The following PCDH15 variants were observed in gnomAD, a reference collection of about 807,000 sequenced individuals.
PCDH15 encodes protocadherin-15.
PCDH15 carries 129 observed loss-of-function variants against 178.5 expected under a neutral mutation model. The observed-to-expected ratio is 0.72, with a 90% confidence interval of 0.63 to 0.84. The LOEUF is 0.84. Among genes scored for constraint, PCDH15 ranks in the 40% least tolerant of loss-of-function variants. PCDH15 has a pLI of 0.00. For synonymous variants in PCDH15, 800 were observed against 732.0 expected (o/e 1.09, Z -1.50); for missense variants, 2,230 against 2,099.9 (o/e 1.06, Z -1.21).
chr10:54,431,034 A>T (rs1268286741), intron 3 of PCDH15, among the ~76,000 whole-genome samples: 1 of 152,138 alleles, frequency 6.6e-6, no homozygotes, highest in Non-Finnish European at 1.5e-5. Context: ...GTTCCTAGAC[A>T]CATACAAGCT....
chr10:54,865,536 A>C (rs1953923853), intron 3 of PCDH15, among the ~76,000 whole-genome samples: 1 of 151,704 alleles, frequency 6.6e-6, no homozygotes, highest in Admixed American at 6.6e-5. Flanking sequence ...TTCTTAATAA[A>C]CTCCCTCACT....
intron 22 of PCDH15, 107 bp from the exon 23 acceptor site, chr10:53,959,951 G>C (rs1474551988): frequency 2.3e-6 from 2 of 855,296 alleles, no homozygotes; most frequent in East Asian, 2.6e-5. Flanking sequence ...GTTCCAGAAG[G>C]GGAAGCAATG....
intron 25 of PCDH15, among the ~76,000 whole-genome samples, chr10:53,935,821 C>G (rs1027206962): frequency 6.6e-6 from 1 of 151,446 alleles, no homozygotes; most frequent in Non-Finnish European, 1.5e-5. Context: ...GCTATGGAGA[C>G]GTTTTTCTTT....
chr10:54,576,523 T>C (rs1930157), intron 2 of PCDH15, among the ~76,000 whole-genome samples: 142,508 of 152,258 alleles, frequency 0.94, 66,973 homozygotes, highest in Middle Eastern at 0.98. Flanking sequence ...TTCTATCCGG[T>C]ATTTGTTTTT....
Position 55,538,544 on chromosome 10 carries a change from T to C in PCDH15, c.-156+89081A>G, listed in dbSNP as rs1450033199. ...TTCCTCCCTTCCTTCCTCCTTTCCT[T>C]CCTTCCTTCCTCCTTTCCTTCCTTC... On this transcript the variant is annotated intron_variant, in intron 2 of 5. Coordinates refer to the PCDH15 transcript ENST00000613346. Among the ~76,000 whole-genome samples, 59 of 136,696 alleles carry C rather than the reference T, an allele frequency of 4.3e-4. No individual in the cohort carries two copies. In the East Asian group the frequency reaches 0.011, roughly 24 times the overall value. 89.7% of individuals were successfully genotyped at this position (136,696 alleles called of 152,430 possible). A position where few individuals can be genotyped will look rare whatever the true frequency, so the allele number is the denominator to read the frequency against.
intron 10 of PCDH15, among the ~76,000 whole-genome samples, chr10:54,198,854 C>T (rs186228672): frequency 9.9e-5 from 15 of 152,106 alleles, no homozygotes; most frequent in African/African-American, 3.6e-4. Flanking sequence ...ACAACTTTTC[C>T]TCTTTCCCCG....
intron 2 of PCDH15, among the ~76,000 whole-genome samples, chr10:55,061,710 C>T (rs148590256): frequency 6.6e-6 from 1 of 152,274 alleles, no homozygotes; most frequent in East Asian, 1.9e-4. Context: ...GAATATATTA[C>T]TCAGGGCACT....
chr10:55,275,535 A>C (rs1842568790), intron 1 of PCDH15, among the ~76,000 whole-genome samples: 1 of 142,548 alleles, frequency 7.0e-6, no homozygotes, highest in African/African-American at 2.6e-5. Flanking sequence ...ATCCTTTTGC[A>C]CTGATCTACA....
intron 20 of PCDH15, among the ~76,000 whole-genome samples, chr10:54,004,118 G>A (rs2092292248): frequency 7.7e-6 from 1 of 130,180 alleles, no homozygotes; most frequent in African/African-American, 3.0e-5. Flanking sequence ...CAAAAACTGG[G>A]TGTAGATGGA....
intron 1 of PCDH15, among the ~76,000 whole-genome samples, chr10:54,774,508 G>GAC (rs1949481264): frequency 6.6e-6 from 1 of 151,856 alleles, no homozygotes; most frequent in African/African-American, 2.4e-5. Context: ...AAAAAGAATA[G>GAC]ACACACACAC....
intron 21 of PCDH15, among the ~76,000 whole-genome samples, chr10:53,965,165 C>A (rs1277124241): frequency 1.3e-5 from 2 of 151,682 alleles, no homozygotes; most frequent in Non-Finnish European, 2.9e-5. Flanking sequence ...TCAAGTGATT[C>A]TCCTGCCTCA....
At position 55,225,600 on chromosome 10, in the gene PCDH15, T is replaced by C. The variant is rs192353284; in HGVS notation, c.-155-58949A>G. On this transcript the variant is annotated intron_variant, in intron 1 of 5. Coordinates refer to the PCDH15 transcript ENST00000458638. ...AGAGGTTCCAGATGCCTTTAAACGA[T>C]TGTGGGATGTGTGTGTGTGTATGTG... is the stretch of plus-strand genomic sequence containing the variant. Among the ~76,000 whole-genome samples, 270 of 151,072 alleles carry C rather than the reference T, an allele frequency of 1.8e-3. 2 individuals are homozygous for C. Among genetic ancestry groups the C allele is most frequent in the Middle Eastern group, 0.014 (4 of 294 alleles).
At chr10:55,119,981 T>G (rs1837724908) in intron 2 of PCDH15, among the ~76,000 whole-genome samples, 1 of 149,578 alleles carries the variant, frequency 6.7e-6, no homozygotes, top group Non-Finnish European at 1.5e-5. Context: ...TCTTAAATGT[T>G]TTTTTTTTTA....
chr10:54,213,910 G>T, intron 10 of PCDH15, 26 bp downstream of exon 10: 1 of 1,399,026 alleles, frequency 7.1e-7, no homozygotes, highest in Non-Finnish European at 1.0e-6. Flanking sequence ...ATAAACACAA[G>T]GAAATAAGAT....
chr10:54,125,271 C>T (rs1331411465), intron 15 of PCDH15, among the ~76,000 whole-genome samples: 4 of 151,854 alleles, frequency 2.6e-5, no homozygotes. Context: ...ATTGCAGTTT[C>T]CAACAAGAAA....
chr10:54,908,897 G>A lies in PCDH15; in HGVS notation c.-79-11397C>T, dbSNP rs116577293. ...TCCTCCCTGTTAGGCAGGTCATCCC[G>A]ATGAATGCTCAGCTCTCAGCAGAGA... On this transcript the variant is annotated intron_variant, in intron 2 of 5. Transcript: ENST00000458638. 5.1e-3 allele frequency among the ~76,000 whole-genome samples: 774 copies of A among 151,866 alleles called. 6 individuals are homozygous for A. The highest frequency in any genetic ancestry group is 0.017 in the African/African-American group (686 of 41,450).
At chr10:54,226,154 AG>A (rs948802736) in intron 9 of PCDH15, among the ~76,000 whole-genome samples, 1 of 152,202 alleles carries the variant, frequency 6.6e-6, no homozygotes, top group Non-Finnish European at 1.5e-5. Flanking sequence ...CAAAGGAAAA[AG>A]GTTTAATTGG....
chr10:54,757,845 A>G lies in PCDH15; in HGVS notation c.-29+43080T>C, dbSNP rs558179016. ...GCTGCATGGACAAATATTGACTGAG[A>G]GTTAAAGCCAAACATCATGGGATGC... On this transcript the variant is annotated intron_variant, in intron 1 of 37. Transcript: ENST00000644397. Among the ~76,000 whole-genome samples the G allele has an allele frequency of 5.9e-5, 9 of 152,236 alleles. No individual in the cohort carries two copies. In the East Asian group the frequency reaches 1.6e-3, roughly 26 times the overall value.
chr10:54,001,242 G>A (rs1374895014), intron 20 of PCDH15, among the ~76,000 whole-genome samples: 2 of 152,100 alleles, frequency 1.3e-5, no homozygotes, highest in Non-Finnish European at 2.9e-5. Flanking sequence ...ATCATCTGAA[G>A]ATACAAAACT....
Sources: gnomAD v4.1 joint callset for allele counts (sites outside exome capture counted in the v4.1 genomes callset) on GRCh38, gnomAD v4.1.1 for gene constraint, MANE v1.5 for transcripts, NCBI Gene and HGNC (gene_info 2026-07-23, HGNC 2026-07-21) for gene names.